ZNF620: variants seen among roughly 807,000 people sequenced by gnomAD.
ZNF620 encodes zinc finger protein 620.
In ZNF620, 10 loss-of-function variants were observed where a neutral mutation model predicts 13.3. The ratio of observed to expected loss-of-function variants is 0.75; its 90% CI spans 0.46 to 1.28. The LOEUF (loss-of-function observed/expected upper bound fraction) is 1.28, where lower values mean the gene tolerates loss of function less well. ZNF620 is among the 50% of genes most tolerant of loss of function. ZNF620 has a pLI of 0.00. For missense variants in ZNF620, 461 were observed against 500.2 expected (o/e 0.92, Z 0.75); for synonymous variants, 166 against 177.6 (o/e 0.93, Z 0.52).
At position 40,518,516 on chromosome 3, in the gene ZNF620, G is replaced by A. The variant is rs1362978636; in HGVS notation, c.*1653G>A. The A allele has an allele frequency of 6.6e-6, 1 of 152,076 alleles. No individual in the cohort carries two copies. Among genetic ancestry groups the A allele is most frequent in the Non-Finnish European group, 1.5e-5 (1 of 68,056 alleles). 9.4% of individuals were successfully genotyped at this position (152,076 alleles called of 1,614,324 possible). On this transcript the variant is annotated 3_prime_UTR_variant, in exon 5 of 5. Transcript: ENST00000314529. Reference sequence around the variant, plus strand: ...GAGGCTGAGGTGGGCAGATCACAAGGTCAGGAGATCAAGACCATCCTGCTA... The same window carrying A: ...GAGGCTGAGGTGGGCAGATCACAAGATCAGGAGATCAAGACCATCCTGCTA...
Position 40,516,871 on chromosome 3 carries a change from C to T in ZNF620, c.*8C>T, listed in dbSNP as rs780164507. On this transcript the variant is annotated 3_prime_UTR_variant, in exon 5 of 5. Transcript: ENST00000314529. Reference sequence around the variant, plus strand: ...ACACCTGTCCAAGCATAGGGCTATCCATAGTTAGGCCCACTGTGCCTCTCC... The same window carrying T: ...ACACCTGTCCAAGCATAGGGCTATCTATAGTTAGGCCCACTGTGCCTCTCC... The T allele has an allele frequency of 1.6e-5, 26 of 1,579,642 alleles. No individual in the cohort carries two copies. The East Asian group carries it at 5.6e-4, about 34-fold the overall frequency.
chr3:40,513,317 ATATATATATATATATATATATAT>A lies in ZNF620; in HGVS notation c.265+803_265+825del, dbSNP rs1401115195. On this transcript the variant is annotated intron_variant, in intron 4 of 4. Transcript: ENST00000314529. ...CCGTCTCAACTAAAAAAAAAAAAAA[ATATATATATATATATATATATAT>A]ATATATATATATATGGCCAGGTGTG... is the stretch of plus-strand genomic sequence containing the variant. Among the ~76,000 whole-genome samples, 4 of 90,378 alleles carry A rather than the reference ATATATATATATATATATATATAT, an allele frequency of 4.4e-5. 1 individual carries two copies. Among genetic ancestry groups the A allele is most frequent in the African/African-American group, 9.5e-5 (2 of 21,164 alleles). The allele number at this position is 90,378 out of a possible 152,430, so 59.3% of individuals were successfully genotyped here. A position where few individuals can be genotyped will look rare whatever the true frequency, so the allele number is the denominator to read the frequency against.
At chr3:40,510,992 C>T (rs1047394770) in intron 2 of ZNF620, among the ~76,000 whole-genome samples, 2 of 152,274 alleles carry the variant, frequency 1.3e-5, no homozygotes, top group East Asian at 3.9e-4. Flanking sequence ...CATCCGCCTG[C>T]CTTGGCCTCC....
In ZNF620 at chr3:40,518,706, T is replaced by C. The variant is rs1184269916; in HGVS notation, c.*1843T>C. ...ACTGCACTCCAGTCTGGGTGACAGA[T>C]TGAGACTCCGTCTCAAAAAAAAAAA... On this transcript the variant is annotated 3_prime_UTR_variant, in exon 5 of 5. Transcript: ENST00000314529. 7.0e-6 allele frequency: 1 copy of C among 143,652 alleles called. No individual in the cohort carries two copies. The highest frequency in any genetic ancestry group is 1.5e-5 in the Non-Finnish European group (1 of 67,052). The allele number at this position is 143,652 out of a possible 1,614,324, so 8.9% of individuals were successfully genotyped here.
rs1698354538 is a variant in ZNF620 at position 40,515,783 on chromosome 3, TGTGTGTGTG to T, written c.266-76_266-68del. The T allele has an allele frequency of 3.8e-4, 82 of 217,936 alleles. No individual in the cohort carries two copies. In the East Asian group the frequency reaches 0.011, roughly 30 times the overall value. The allele number at this position is 217,936 out of a possible 1,614,324, so 13.5% of individuals were successfully genotyped here. ...TGTTTCTTCTTCAGCACAGATATTGTGTGTGTGTGTGTGTGTGTGTGTGTGTGTGTGTGT... is the reference window on the plus strand; with the variant it reads ...TGTTTCTTCTTCAGCACAGATATTGTTGTGTGTGTGTGTGTGTGTGTGTGT... On this transcript the variant is annotated intron_variant, in intron 4 of 4. Coordinates refer to ENST00000314529, the MANE Select transcript of ZNF620 (RefSeq NM_175888.4).
At chr3:40,512,609 A>T in intron 4 of ZNF620, 94 bp downstream of exon 4, 1 of 890,558 alleles carries the variant, frequency 1.1e-6, no homozygotes, top group Admixed American at 3.1e-5. Flanking sequence ...CTCTTGGGAG[A>T]CTGTTTTTGT....
intron 2 of ZNF620, among the ~76,000 whole-genome samples, chr3:40,507,618 C>T (rs901655942): frequency 1.3e-5 from 2 of 151,678 alleles, no homozygotes; most frequent in African/African-American, 4.8e-5. Flanking sequence ...AGAAATATTC[C>T]CTCCTCTTTA....
rs1440207318 is a variant in ZNF620, at chr3:40,516,721, AAAT to A, written c.1130_1132del (p.Ile377del). On this transcript the variant is annotated inframe_deletion, in exon 5 of 5. Transcript: ENST00000314529. Reference sequence around the variant, plus strand: ...GAGTGTGGGAAGGCATTCAATCAGAAAATAACCCTGATTCAGCACCAGCGAGTT... The same window carrying A: ...GAGTGTGGGAAGGCATTCAATCAGAAAACCCTGATTCAGCACCAGCGAGTT... 6.2e-7 allele frequency: 1 copy of A among 1,614,236 alleles called. No individual in the cohort carries two copies. Among genetic ancestry groups the A allele is most frequent in the Non-Finnish European group, 8.5e-7 (1 of 1,180,042 alleles).
rs1461599896 is a variant in ZNF620 at position 40,517,844 on chromosome 3, C to T, written c.*981C>T. 1.3e-5 allele frequency: 2 copies of T among 152,174 alleles called. No homozygotes were observed. The highest frequency in any genetic ancestry group is 1.9e-4 in the East Asian group (1 of 5,200). 9.4% of individuals were successfully genotyped at this position (152,174 alleles called of 1,614,324 possible). On this transcript the variant is annotated 3_prime_UTR_variant, in exon 5 of 5. Transcript: ENST00000314529. ...GTCAGAAGTCTCCTAAATTCAAAAA[C>T]GGGCCCTGTCCATGTGGAGCCAAAT... is the stretch of plus-strand genomic sequence containing the variant.
Position 40,516,066 on chromosome 3 carries a change from C to T in ZNF620, c.472C>T (p.His158Tyr). The T allele has an allele frequency of 6.2e-7, 1 of 1,614,056 alleles. No homozygotes were observed. Among genetic ancestry groups the T allele is most frequent in the Non-Finnish European group, 8.5e-7 (1 of 1,180,006 alleles). ...RRHFTDTSAR[H>Y]HEAYEVKNGE... ...ACATTTCACAGATACCTCAGCCAGG[C>T]ACCATGAGGCCTATGAGGTCAAGAA... Residue 158 changes from histidine to tyrosine, a missense_variant, in exon 5 of 5, where the codon CAC (histidine) becomes TAC (tyrosine). By Grantham distance (83) the His-to-Tyr change is moderately conservative (BLOSUM62 2). Transcript: ENST00000314529.
In ZNF620 at chr3:40,506,062, A is replaced by G. The variant is rs1359416397; in HGVS notation, c.-126A>G. On this transcript the variant is annotated 5_prime_UTR_variant, in exon 1 of 5. Coordinates refer to ENST00000314529, the MANE Select transcript of ZNF620 (RefSeq NM_175888.4). ...TCAAGCTTTCCCCGGTGTCGGCGGC[A>G]GGTGGAATTTCCACGCTTTATCTGC... 1.9e-6 allele frequency: 1 copy of G among 523,282 alleles called. No homozygotes were observed. Among genetic ancestry groups the G allele is most frequent in the Non-Finnish European group, 3.5e-6 (1 of 289,014 alleles). 32.4% of individuals were successfully genotyped at this position (523,282 alleles called of 1,614,324 possible). A position where few individuals can be genotyped will look rare whatever the true frequency, so the allele number is the denominator to read the frequency against.
At chr3:40,509,809 C>T (rs1698139482) in intron 2 of ZNF620, among the ~76,000 whole-genome samples, 1 of 152,190 alleles carries the variant, frequency 6.6e-6, no homozygotes, top group South Asian at 2.1e-4. Context: ...CCTCAGTTCC[C>T]CCTTCCTGTG....
At chr3:40,506,165 G>T in intron 1 of ZNF620, 27 bp downstream of exon 1, 1 of 709,446 alleles carries the variant, frequency 1.4e-6, no homozygotes, top group Non-Finnish European at 2.5e-6. Context: ...CCTGGGGCTT[G>T]TTCTGCCTGG....
At chr3:40,509,001 C>T (rs79257591) in intron 2 of ZNF620, among the ~76,000 whole-genome samples, 9,911 of 151,390 alleles carry the variant, frequency 0.065, 1,068 homozygotes, top group African/African-American at 0.23. Flanking sequence ...TTATATTTAA[C>T]GTACATTTCT....
intron 4 of ZNF620, among the ~76,000 whole-genome samples, chr3:40,514,584 C>T (rs1043932429): frequency 1.3e-5 from 2 of 151,940 alleles, no homozygotes; most frequent in Non-Finnish European, 2.9e-5. Context: ...AGTGACAGAG[C>T]GAGACTCTGT....
chr3:40,514,125 G>A (rs544173971), intron 4 of ZNF620, among the ~76,000 whole-genome samples: 4 of 152,290 alleles, frequency 2.6e-5, no homozygotes, highest in South Asian at 4.1e-4. Context: ...AGGCCCACCC[G>A]CAGCCATCCG....
intron 4 of ZNF620, among the ~76,000 whole-genome samples, 153 bp from the exon 5 acceptor site, chr3:40,515,707 G>A (rs1575294380): frequency 6.6e-6 from 1 of 152,004 alleles, no homozygotes; most frequent in Admixed American, 6.6e-5. Context: ...CATCTTGTGA[G>A]CATATTAGAA....
intron 2 of ZNF620, among the ~76,000 whole-genome samples, chr3:40,506,868 A>G (rs2125654108): frequency 6.6e-6 from 1 of 152,280 alleles, no homozygotes; most frequent in South Asian, 2.1e-4. Context: ...TGGTGAGAGC[A>G]GATATCTTTG....
In ZNF620 at chr3:40,516,597, C is replaced by T. The variant is rs142502010; in HGVS notation, c.1003C>T (p.Pro335Ser). Residue 335 changes from proline to serine, a missense_variant, in exon 5 of 5, where the codon CCT (proline) becomes TCT (serine). Pro to Ser is a moderately conservative substitution (Grantham distance 74). Transcript: ENST00000314529. ...VHQRMHTGEKPYECKECGKRL... is the reference protein window; with the variant it reads ...VHQRMHTGEKSYECKECGKRL... ...TCAGCGAATGCACACTGGGGAGAAA[C>T]CTTATGAATGTAAAGAGTGTGGAAA... The T allele has an allele frequency of 1.3e-4, 209 of 1,614,102 alleles. No homozygotes were observed. The African/African-American group carries it at 2.4e-3, about 18-fold the overall frequency.
Sources: gnomAD v4.1 joint callset for allele counts (sites outside exome capture counted in the v4.1 genomes callset) on GRCh38, gnomAD v4.1.1 for gene constraint, MANE v1.5 for transcripts, NCBI Gene and HGNC (gene_info 2026-07-23, HGNC 2026-07-21) for gene names.